The following ZC3H12B variants were observed in gnomAD, a reference collection of about 807,000 sequenced individuals.
The protein encoded by ZC3H12B is zinc finger CCCH-type containing 12B, also known as probable ribonuclease ZC3H12B.
In ZC3H12B, 7 loss-of-function variants were observed where a neutral mutation model predicts 43.9. The observed-to-expected ratio is 0.16, with a 90% CI of 0.09 to 0.30. The LOEUF is 0.30. Among genes scored for constraint, ZC3H12B ranks in the 10% least tolerant of loss-of-function variants. The pLI is 1.00. For synonymous variants in ZC3H12B, 222 were observed against 241.7 expected (o/e 0.92, Z 0.76); for missense variants, 475 against 670.2 (o/e 0.71, Z 3.22).
chrX:65,225,115 G>A, the ZC3H12B span, among the ~76,000 whole-genome samples: 1 of 111,772 alleles, frequency 8.9e-6, no homozygotes, highest in African/African-American at 3.3e-5. Context: ...GCCTAACTGG[G>A]AGGCACCCCC....
At chrX:65,384,525 A>T (rs187091961) in intron 2 of ZC3H12B, among the ~76,000 whole-genome samples, 1,540 of 110,910 alleles carry the variant, frequency 0.014, 10 homozygotes, top group Non-Finnish European at 0.02. Context: ...TAATAAATAA[A>T]TTTTTTTTAA....
At chrX:65,266,847 T>G in the ZC3H12B span, among the ~76,000 whole-genome samples, 1 of 110,839 alleles carries the variant, frequency 9.0e-6, no homozygotes, top group Non-Finnish European at 1.9e-5. Context: ...GTTGAAAAGA[T>G]TTAAAGGTAC....
the ZC3H12B span, among the ~76,000 whole-genome samples, chrX:65,347,619 C>T: frequency 5.3e-5 from 6 of 112,182 alleles, no homozygotes; most frequent in African/African-American, 1.9e-4. Context: ...GAAATAGGAA[C>T]ACTTTTACAC....
At chrX:65,294,324 A>G in the ZC3H12B span, among the ~76,000 whole-genome samples, 1 of 111,821 alleles carries the variant, frequency 8.9e-6, no homozygotes, top group African/African-American at 3.2e-5. Flanking sequence ...CACCACTACC[A>G]AGCCAGCACT....
chrX:65,193,394 C>T, the ZC3H12B span, among the ~76,000 whole-genome samples: 5 of 111,586 alleles, frequency 4.5e-5, no homozygotes, highest in African/African-American at 6.5e-5. Context: ...GAATTTATCC[C>T]TTGCTTCTAA....
chrX:65,091,166 C>T, the ZC3H12B span, among the ~76,000 whole-genome samples: 1 of 108,446 alleles, frequency 9.2e-6, no homozygotes, highest in Non-Finnish European at 1.9e-5. Context: ...CATACATGTC[C>T]TTATAAGAGG....
At chrX:65,190,343 T>A in the ZC3H12B span, among the ~76,000 whole-genome samples, 2 of 111,166 alleles carry the variant, frequency 1.8e-5, no homozygotes, top group East Asian at 5.6e-4. Flanking sequence ...AGAAAGTCAT[T>A]GGTAGCTTGA....
At chrX:65,233,719 TTAG>T in the ZC3H12B span, among the ~76,000 whole-genome samples, 2 of 110,182 alleles carry the variant, frequency 1.8e-5, no homozygotes, top group Admixed American at 9.7e-5. Context: ...AAACCCAAAG[TTAG>T]TAGAAGAAAT....
the ZC3H12B span, among the ~76,000 whole-genome samples, chrX:65,171,236 C>T: frequency 9.0e-6 from 1 of 111,485 alleles, no homozygotes; most frequent in South Asian, 3.7e-4. Context: ...GATGTCCTTT[C>T]TGTTTGTTAG....
At chrX:65,152,531 C>T in the ZC3H12B span, among the ~76,000 whole-genome samples, 16 of 110,781 alleles carry the variant, frequency 1.4e-4, no homozygotes, top group South Asian at 3.9e-3. Context: ...TTACAAGGGA[C>T]GTGAAGGACC....
the ZC3H12B span, among the ~76,000 whole-genome samples, chrX:65,209,941 A>C: frequency 8.8e-5 from 8 of 90,396 alleles, no homozygotes; most frequent in Admixed American, 8.2e-4. Flanking sequence ...AGATTTAAAC[A>C]TTAGACCTAA....
At chrX:65,497,811 T>A (rs964869542) in intron 2 of ZC3H12B, among the ~76,000 whole-genome samples, 1 of 112,381 alleles carries the variant, frequency 8.9e-6, no homozygotes, top group Non-Finnish European at 1.9e-5. Flanking sequence ...GAAGAAAAAA[T>A]TGAATATAAC....
At chrX:65,238,756 G>A in the ZC3H12B span, among the ~76,000 whole-genome samples, 1 of 111,661 alleles carries the variant, frequency 9.0e-6, no homozygotes. Context: ...CACTGCTTTA[G>A]CTGCATCTCA....
chrX:65,352,393 C>A, the ZC3H12B span, among the ~76,000 whole-genome samples: 350 of 110,014 alleles, frequency 3.2e-3, no homozygotes, highest in Non-Finnish European at 5.7e-3. Flanking sequence ...TGCAGCAAAC[C>A]ACCATGGCAT....
At chrX:65,372,350 G>T (rs1283644807) in intron 2 of ZC3H12B, among the ~76,000 whole-genome samples, 1 of 111,409 alleles carries the variant, frequency 9.0e-6, no homozygotes, top group Non-Finnish European at 1.9e-5. Context: ...CAAATATTAT[G>T]AATTCAACTG....
At chrX:65,212,443 TTA>T in the ZC3H12B span, among the ~76,000 whole-genome samples, 1 of 60,134 alleles carries the variant, frequency 1.7e-5, no homozygotes, top group East Asian at 5.0e-4. Flanking sequence ...ATATATTATA[TTA>T]TATATTATAT....
intron 3 of ZC3H12B, among the ~76,000 whole-genome samples, chrX:65,430,353 T>C (rs1307352584): frequency 9.1e-6 from 1 of 110,283 alleles, no homozygotes; most frequent in Non-Finnish European, 1.9e-5. Context: ...TCTTTTTTTT[T>C]TTTTTTAAAC....
intron 3 of ZC3H12B, among the ~76,000 whole-genome samples, chrX:65,454,388 C>G (rs12011377): frequency 0.14 from 16,100 of 111,888 alleles, 2,751 homozygotes; most frequent in African/African-American, 0.49. Context: ...ATTGCTAGCA[C>G]AGCAGTCTGA....
intron 2 of ZC3H12B, among the ~76,000 whole-genome samples, chrX:65,372,705 T>A (rs1398816366): frequency 9.0e-6 from 1 of 111,574 alleles, no homozygotes; most frequent in African/African-American, 3.3e-5. Context: ...CCAAACGATA[T>A]TGAGAGGTAA....
Sources: gnomAD v4.1 joint callset for allele counts (sites outside exome capture counted in the v4.1 genomes callset) on GRCh38, gnomAD v4.1.1 for gene constraint, MANE v1.5 for transcripts, NCBI Gene and HGNC (gene_info 2026-07-23, HGNC 2026-07-21) for gene names.